Variants in RANBP17 observed in about 807,000 individuals in gnomAD.
RANBP17 encodes RAN binding protein 17.
In RANBP17, 158 loss-of-function variants were observed where a neutral mutation model predicts 141.2. That is an observed-to-expected ratio of 1.12 (90% CI 0.98 to 1.28). RANBP17 has a LOEUF of 1.28. RANBP17 is among the 50% of genes most tolerant of loss of function. The probability of loss-of-function intolerance (pLI) is 0.00; values close to 1 mark genes in which losing one functional copy is unlikely to be tolerated. For missense variants in RANBP17, 1,438 were observed against 1,290.7 expected (o/e 1.11, Z -1.75); for synonymous variants, 430 against 450.0 (o/e 0.96, Z 0.56).
chr5:171,252,162 GACA>G, intron 24 of RANBP17: 1 of 1,588,054 alleles, frequency 6.3e-7, no homozygotes, highest in Non-Finnish European at 8.6e-7. Flanking sequence ...TGAGCTTTTT[GACA>G]ACTACATGCA....
chr5:171,281,698 TA>T, intron 25 of RANBP17, among the ~76,000 whole-genome samples: 1 of 152,352 alleles, frequency 6.6e-6, no homozygotes, highest in Non-Finnish European at 1.5e-5. Context: ...AGACACACTG[TA>T]GGTCCTCAAT....
At chr5:170,970,701 A>T (rs765453532) in intron 14 of RANBP17, 3 of 152,096 alleles carry the variant, frequency 2.0e-5, no homozygotes, top group Non-Finnish European at 2.9e-5. Context: ...TATTTTTTTT[A>T]AATCCATCTT....
chr5:170,937,546 GTACCTT>G (rs1236927924), intron 12 of RANBP17, among the ~76,000 whole-genome samples: 1 of 152,130 alleles, frequency 6.6e-6, no homozygotes, highest in Non-Finnish European at 1.5e-5. Context: ...AGTACATTTG[GTACCTT>G]TGTGCAAATT....
chr5:170,930,001 T>C (rs1773217034), intron 12 of RANBP17, among the ~76,000 whole-genome samples: 1 of 152,206 alleles, frequency 6.6e-6, no homozygotes, highest in South Asian at 2.1e-4. Flanking sequence ...TTGTTATTAA[T>C]ATCTCCAGAA....
intron 20 of RANBP17, among the ~76,000 whole-genome samples, chr5:171,208,423 A>G (rs536426633): frequency 1.3e-5 from 2 of 152,340 alleles, no homozygotes; most frequent in African/African-American, 4.8e-5. Context: ...GAATGCAACA[A>G]TAAGAAAACA....
chr5:171,063,637 C>T (rs1784077248), intron 14 of RANBP17, among the ~76,000 whole-genome samples: 1 of 152,248 alleles, frequency 6.6e-6, no homozygotes, highest in Non-Finnish European at 1.5e-5. Flanking sequence ...AGGAGGCAGT[C>T]TGCCCGTTCT....
intron 11 of RANBP17, among the ~76,000 whole-genome samples, chr5:170,924,003 CTT>C (rs549826080): frequency 1.4e-5 from 2 of 141,754 alleles, no homozygotes; most frequent in Non-Finnish European, 1.6e-5. Context: ...TTTCTTTTTT[CTT>C]TTTTTTTTTA....
At chr5:171,063,616 G>A (rs917082589) in intron 14 of RANBP17, among the ~76,000 whole-genome samples, 1 of 152,216 alleles carries the variant, frequency 6.6e-6, no homozygotes, top group African/African-American at 2.4e-5. Context: ...CAGGGGTCAG[G>A]GACCGACTTG....
intron 12 of RANBP17, among the ~76,000 whole-genome samples, chr5:170,949,543 C>T (rs2127489988): frequency 6.6e-6 from 1 of 152,180 alleles, no homozygotes; most frequent in African/African-American, 2.4e-5. Context: ...CTCACACCAA[C>T]TAGGATGGAT....
intron 14 of RANBP17, among the ~76,000 whole-genome samples, chr5:171,154,476 C>G (rs1457085697): frequency 6.6e-6 from 1 of 152,100 alleles, no homozygotes; most frequent in Non-Finnish European, 1.5e-5. Flanking sequence ...GACGGGGTTT[C>G]CCCATGTTGG....
At chr5:170,889,050 C>A (rs1345632) in intron 3 of RANBP17, among the ~76,000 whole-genome samples, 91,145 of 151,602 alleles carry the variant, frequency 0.6, 29,089 homozygotes, top group South Asian at 0.89. Context: ...CCTCATATAT[C>A]TTTTTTCTTT....
chr5:171,230,236 G>A (rs955975832), intron 22 of RANBP17, among the ~76,000 whole-genome samples: 1 of 152,088 alleles, frequency 6.6e-6, no homozygotes, highest in Admixed American at 6.6e-5. Context: ...GAAACTGGGG[G>A]TTTAGAGAAG....
chr5:171,080,837 G>T (rs1282292339), intron 14 of RANBP17, among the ~76,000 whole-genome samples: 1 of 152,142 alleles, frequency 6.6e-6, no homozygotes, highest in Non-Finnish European at 1.5e-5. Context: ...TGTAAGACTG[G>T]CCTTGGTAAT....
intron 14 of RANBP17, among the ~76,000 whole-genome samples, chr5:171,096,840 C>T (rs1786728650): frequency 6.6e-6 from 1 of 152,010 alleles, no homozygotes; most frequent in African/African-American, 2.4e-5. Flanking sequence ...ACAACAACAA[C>T]AAAACTCTGT....
At chr5:171,072,343 G>A (rs779660) in intron 14 of RANBP17, among the ~76,000 whole-genome samples, 96,600 of 151,374 alleles carry the variant, frequency 0.64, 31,528 homozygotes, top group South Asian at 0.89. Flanking sequence ...TTTCTAACAT[G>A]CAGAACTGTA....
intron 22 of RANBP17, among the ~76,000 whole-genome samples, chr5:171,225,828 T>G (rs1267929335): frequency 6.6e-6 from 1 of 152,204 alleles, no homozygotes; most frequent in Non-Finnish European, 1.5e-5. Context: ...AAATAATACT[T>G]TTGATATGCT....
chr5:170,868,610 A>G (rs1379431877), intron 1 of RANBP17, among the ~76,000 whole-genome samples: 1 of 152,140 alleles, frequency 6.6e-6, no homozygotes, highest in Non-Finnish European at 1.5e-5. Flanking sequence ...TGGGAGGTGA[A>G]TGATGTCCAC....
At chr5:171,000,422 T>C (rs1202489550) in intron 14 of RANBP17, among the ~76,000 whole-genome samples, 1 of 152,202 alleles carries the variant, frequency 6.6e-6, no homozygotes, top group Non-Finnish European at 1.5e-5. Context: ...AGTCTTTTAT[T>C]CATACAAAAT....
rs190074185 is a variant in RANBP17 at position 171,063,976 on chromosome 5, A to G, written c.1710+95599A>G. Among the ~76,000 whole-genome samples, 1,137 of 152,288 alleles carry G rather than the reference A, an allele frequency of 7.5e-3. 15 individuals carry two copies. The highest frequency in any genetic ancestry group is 0.026 in the African/African-American group (1,084 of 41,574). ...TAGGACCCTCCAAGCCAGGTGCGGG[A>G]TATAATCTCCTGGTGCACTGTTTGT... On this transcript the variant is annotated intron_variant, in intron 14 of 27. Transcript: ENST00000523189.
Sources: allele counts gnomAD v4.1 joint callset (sites outside exome capture counted in the v4.1 genomes callset), GRCh38; gene constraint gnomAD v4.1.1; transcripts MANE v1.5; gene names NCBI Gene and HGNC (gene_info 2026-07-23, HGNC 2026-07-21).